NUP214: variants seen among roughly 807,000 people sequenced by gnomAD.
NUP214 encodes the protein nucleoporin 214.
In NUP214, 79 loss-of-function variants were observed where a neutral mutation model predicts 196.2. The observed-to-expected ratio is 0.40, with a 90% CI of 0.34 to 0.49. NUP214 has a LOEUF of 0.49. NUP214 is among the 20% of genes least tolerant of loss of function. NUP214 has a pLI of 0.58. For missense variants in NUP214, 2,468 were observed against 2,539.0 expected (o/e 0.97, Z 0.60); for synonymous variants, 1,020 against 990.5 (o/e 1.03, Z -0.56).
rs776945334 is a variant in NUP214, at chr9:131,228,241, G to T, written c.5984G>T (p.Gly1995Val). ...GGGTTTGGAGGGGTGCCAGCATTCG[G>T]TTCAGCCCCAGCCTTTACAAGCCCT... Reference protein sequence around the residue: ...SPGFGGVPAFGSAPAFTSPLG... With the variant: ...SPGFGGVPAFVSAPAFTSPLG... The change falls in exon 33 of 36, where the codon GGT becomes GTT. Residue 1995 changes from glycine to valine, a missense_variant. Coordinates refer to ENST00000359428, the MANE Select transcript of NUP214 (RefSeq NM_005085.4). 42 of 1,605,576 alleles carry T rather than the reference G, an allele frequency of 2.6e-5. No individual in the cohort carries two copies. In the South Asian group the frequency reaches 4.4e-4, roughly 17 times the overall value.
Position 131,174,355 on chromosome 9 carries a change from A to G in NUP214, c.3157+37A>G, listed in dbSNP as rs373758803. ...GTGGGAAAGGAAACTGTTTTTCCCT[A>G]TGATGTTTCTAACTAATGACGGAAT... On this transcript the variant is annotated intron_variant, in intron 22 of 35. Coordinates refer to ENST00000359428, the MANE Select transcript of NUP214 (RefSeq NM_005085.4). 491 of 1,583,526 alleles carry G rather than the reference A, an allele frequency of 3.1e-4. 1 individual carries two copies. In the African/African-American group the frequency reaches 5.8e-3, roughly 19 times the overall value.
intron 12 of NUP214, 68 bp downstream of exon 12, chr9:131,144,822 G>A: frequency 1.6e-6 from 2 of 1,231,758 alleles, no homozygotes; most frequent in Non-Finnish European, 2.3e-6. Flanking sequence ...TTTACTAAAA[G>A]TAGAGTCACT....
Position 131,150,699 on chromosome 9 carries a change from G to A in NUP214, c.2211G>A (p.Met737Ile). 6 of 1,614,218 alleles carry A rather than the reference G, an allele frequency of 3.7e-6. No individual in the cohort carries two copies. Among genetic ancestry groups the A allele is most frequent in the Non-Finnish European group, 5.1e-6 (6 of 1,180,024 alleles). Residue 737 changes from methionine (M) to isoleucine (I), a missense_variant, in exon 16 of 36, where the codon ATG (methionine) becomes ATA (isoleucine). Met to Ile is a conservative substitution (Grantham distance 10). Coordinates refer to ENST00000359428, the MANE Select transcript of NUP214 (RefSeq NM_005085.4). ...ACFQVGTSEE[M>I]KMLRTESDDL... ...TCCAAGTGGGCACTTCTGAGGAGAT[G>A]AAGATGCTGCGAACAGAATCAGATG...
At chr9:131,138,613 A>G (rs928675) in intron 9 of NUP214, among the ~76,000 whole-genome samples, 41,018 of 152,086 alleles carry the variant, frequency 0.27, 5,801 homozygotes, top group East Asian at 0.42. Flanking sequence ...TAGTGATTTT[A>G]AAAACCAAGA....
rs760685437 is a variant in NUP214, at chr9:131,192,195, T to TTC, written c.3575-13_3575-12insTC. ...TTTTTTTTTTTTTTTTTTTTTTTTTTCCATAATTTCAGGGACAGCCAAGAT... is the reference window on the plus strand; with the variant it reads ...TTTTTTTTTTTTTTTTTTTTTTTTTTTCCCATAATTTCAGGGACAGCCAAGAT... On this transcript the variant is annotated splice_polypyrimidine_tract_variant and intron_variant, in intron 26 of 35. Transcript: ENST00000359428. 5.4e-5 allele frequency: 66 copies of TTC among 1,225,078 alleles called. 1 individual carries two copies. The highest frequency in any genetic ancestry group is 2.4e-4 in the South Asian group (17 of 69,908). 75.9% of individuals were successfully genotyped at this position (1,225,078 alleles called of 1,614,324 possible). A position where few individuals can be genotyped will look rare whatever the true frequency, so the allele number is the denominator to read the frequency against.
intron 8 of NUP214, among the ~76,000 whole-genome samples, chr9:131,135,462 T>C (rs1831696460): frequency 1.3e-5 from 2 of 152,216 alleles, no homozygotes; most frequent in Admixed American, 1.3e-4. Flanking sequence ...ATTATTTCTG[T>C]TTCCCCAATC....
Position 131,163,036 on chromosome 9 carries a change from C to T in NUP214, c.2586C>T (p.Ala862=), listed in dbSNP as rs1156859570. Residue 862 remains alanine (A), a synonymous_variant, in exon 19 of 36, where the codon GCC becomes GCT. Coordinates refer to ENST00000359428, the MANE Select transcript of NUP214 (RefSeq NM_005085.4). The part of the protein sequence containing the change: ...PERETLFNTL[A]NNREIINQQR... ...GAGAGACACTGTTTAACACCCTAGC[C>T]AACAATCGGGAAATCATCAACCAAC... The T allele has an allele frequency of 3.7e-6, 6 of 1,614,140 alleles. No individual in the cohort carries two copies. Among genetic ancestry groups the T allele is most frequent in the Non-Finnish European group, 1.7e-6 (2 of 1,180,024 alleles).
At chr9:131,143,959 G>T (rs556280262) in intron 11 of NUP214, among the ~76,000 whole-genome samples, 3 of 152,246 alleles carry the variant, frequency 2.0e-5, no homozygotes, top group African/African-American at 7.2e-5. Flanking sequence ...GTGAAATAAG[G>T]TGGAGGTCTG....
intron 26 of NUP214, chr9:131,191,319 T>C (rs1210211602): frequency 4.6e-5 from 7 of 151,978 alleles, no homozygotes; most frequent in Admixed American, 3.9e-4. Context: ...AATACAAAAA[T>C]TAGCCGGGCA....
chr9:131,154,565 T>C (rs1374972123), intron 17 of NUP214, among the ~76,000 whole-genome samples: 1 of 152,222 alleles, frequency 6.6e-6, no homozygotes, highest in Non-Finnish European at 1.5e-5. Context: ...CAGGCTGGTC[T>C]TGAACTCCTG....
chr9:131,223,719 A>ATTTTTTT (rs1564219704), intron 32 of NUP214, among the ~76,000 whole-genome samples: 2 of 15,538 alleles, frequency 1.3e-4, no homozygotes, highest in South Asian at 2.3e-3. Flanking sequence ...ATTTTTATTT[A>ATTTTTTT]TTTATTTATT....
intron 27 of NUP214, among the ~76,000 whole-genome samples, chr9:131,193,629 C>CTTTT (rs71389402): frequency 0.014 from 383 of 28,182 alleles, 102 homozygotes; most frequent in Non-Finnish European, 0.02. Flanking sequence ...TCTTCCTTTT[C>CTTTT]TTTTTTTTTT....
chr9:131,207,882 A>C (rs996355287), intron 30 of NUP214, among the ~76,000 whole-genome samples: 1 of 152,184 alleles, frequency 6.6e-6, no homozygotes, highest in Non-Finnish European at 1.5e-5. Flanking sequence ...CCAAAGACTG[A>C]GAAAATGTAC....
intron 26 of NUP214, chr9:131,190,666 C>A: frequency 1.9e-6 from 1 of 514,156 alleles, no homozygotes; most frequent in Admixed American, 3.8e-5. Context: ...ATTACATGCC[C>A]AGAAAAAGCC....
rs1426948452 is a variant in NUP214 at position 131,125,912 on chromosome 9, C to A, written c.45+163C>A. 2.4e-6 allele frequency: 2 copies of A among 825,138 alleles called. No homozygotes were observed. The highest frequency in any genetic ancestry group is 1.7e-5 in the African/African-American group (1 of 57,150). 51.1% of individuals were successfully genotyped at this position (825,138 alleles called of 1,614,324 possible). On this transcript the variant is annotated intron_variant, in intron 1 of 35. Coordinates refer to ENST00000359428, the MANE Select transcript of NUP214 (RefSeq NM_005085.4). The surrounding 1 kb of genome is among the most constrained non-coding windows in gnomAD (Gnocchi z 4.1). ...GTCTGCCGCGCCGCTGGCGTGATAG[C>A]CCCACCGAATGCAGTTTCCCAGTCC...
intron 32 of NUP214, among the ~76,000 whole-genome samples, chr9:131,224,674 G>A (rs573552835): frequency 6.6e-6 from 1 of 152,292 alleles, no homozygotes; most frequent in East Asian, 1.9e-4. Context: ...GACTCAGGTA[G>A]CTTAGTCTTT....
chr9:131,206,346 A>G (rs899334128), intron 30 of NUP214, among the ~76,000 whole-genome samples: 2 of 151,086 alleles, frequency 1.3e-5, no homozygotes, highest in Non-Finnish European at 3.0e-5. Flanking sequence ...GGGGTTTCAC[A>G]TGTTGCCCAG....
chr9:131,133,937 G>A (rs1831637055), intron 7 of NUP214, among the ~76,000 whole-genome samples: 2 of 151,918 alleles, frequency 1.3e-5, no homozygotes, highest in Admixed American at 1.3e-4. Context: ...TAAGTTTGTT[G>A]TTGTTGTTAA....
At chr9:131,180,961 A>G (rs531137797) in intron 24 of NUP214, among the ~76,000 whole-genome samples, 1 of 152,340 alleles carries the variant, frequency 6.6e-6, no homozygotes, top group Admixed American at 6.5e-5. Context: ...TAACAGACTG[A>G]TTGTTTGGAG....
Sources: allele counts gnomAD v4.1 joint callset (sites outside exome capture counted in the v4.1 genomes callset), GRCh38; gene constraint gnomAD v4.1.1; non-coding constraint Gnocchi (gnomAD v3.1); transcripts MANE v1.5; gene names NCBI Gene and HGNC (gene_info 2026-07-23, HGNC 2026-07-21).